Variants in TMTC2 observed in about 807,000 individuals in gnomAD.
The protein encoded by TMTC2 is protein O-mannosyl-transferase TMTC2.
TMTC2 carries 43 observed loss-of-function variants against 82.4 expected under a neutral mutation model. The ratio of observed to expected loss-of-function variants is 0.52; its 90% confidence interval spans 0.41 to 0.67. The LOEUF (loss-of-function observed/expected upper bound fraction) is 0.67. Ranked by LOEUF, TMTC2 falls within the 30% of genes least tolerant of loss-of-function variation. The pLI, the probability that TMTC2 is intolerant of heterozygous loss-of-function variation, is 0.00. For synonymous variants in TMTC2, 408 were observed against 381.9 expected, an observed-to-expected ratio of 1.07 and a Z score of -0.80; for missense variants, 919 against 1,012.4, an observed-to-expected ratio of 0.91 and a Z score of 1.25.
chr12:82,908,922 A>G (rs1874474671), intron 3 of TMTC2, among the ~76,000 whole-genome samples: 1 of 152,126 alleles, frequency 6.6e-6, no homozygotes, highest in Non-Finnish European at 1.5e-5. Flanking sequence ...TGTTACACAT[A>G]ATATTCTTGT....
chr12:82,909,981 C>G (rs536445152), intron 3 of TMTC2, among the ~76,000 whole-genome samples: 90 of 152,158 alleles, frequency 5.9e-4, no homozygotes, highest in Admixed American at 1.3e-4. Context: ...GGTATTTGAA[C>G]CCTCTAAAGC....
chr12:82,804,176 T>C (rs1019660901), intron 1 of TMTC2, among the ~76,000 whole-genome samples: 20 of 152,078 alleles, frequency 1.3e-4, no homozygotes, highest in African/African-American at 2.4e-4. Flanking sequence ...CCTCACAGAA[T>C]AGTCCAGGAG....
intron 1 of TMTC2, among the ~76,000 whole-genome samples, chr12:82,750,336 T>G (rs1875917783): frequency 6.6e-6 from 1 of 152,058 alleles, no homozygotes; most frequent in South Asian, 2.1e-4. Context: ...CATGCTTGTT[T>G]AAGATGAAGA....
chr12:83,018,036 T>TA (rs1880755409), intron 8 of TMTC2, among the ~76,000 whole-genome samples: 2 of 53,268 alleles, frequency 3.8e-5, no homozygotes, highest in South Asian at 1.3e-3. Flanking sequence ...ATATATATAT[T>TA]GTGTGTGTGT....
intron 8 of TMTC2, among the ~76,000 whole-genome samples, chr12:83,006,317 T>G (rs1475401503): frequency 6.6e-6 from 1 of 152,216 alleles, no homozygotes; most frequent in Non-Finnish European, 1.5e-5. Flanking sequence ...TGCTCCATAT[T>G]TTGGTCTCAC....
intron 8 of TMTC2, among the ~76,000 whole-genome samples, chr12:83,009,956 CT>C (rs1880379682): frequency 6.6e-6 from 1 of 152,172 alleles, no homozygotes; most frequent in Non-Finnish European, 1.5e-5. Flanking sequence ...GAATCTAATG[CT>C]GCCACTGATC....
rs763587985 is a variant in TMTC2, at chr12:82,723,858, T to C, written c.83+36189T>C. On this transcript the variant is annotated intron_variant, in intron 1 of 11. Coordinates refer to ENST00000321196, the MANE Select transcript of TMTC2 (RefSeq NM_152588.3). ...ACTCTGTGTACTACAGGGCTGCTGGTGTGAGCAGAGTATTGGCTTTCTAGC... is the reference window on the plus strand; with the variant it reads ...ACTCTGTGTACTACAGGGCTGCTGGCGTGAGCAGAGTATTGGCTTTCTAGC... 9.6e-4 allele frequency among the ~76,000 whole-genome samples: 146 copies of C among 152,300 alleles called. 1 individual carries two copies. Among genetic ancestry groups the C allele is most frequent in the East Asian group, 9.7e-4 (5 of 5,174 alleles).
At chr12:82,747,437 T>A (rs185479549) in intron 1 of TMTC2, among the ~76,000 whole-genome samples, 1 of 152,308 alleles carries the variant, frequency 6.6e-6, no homozygotes, top group Non-Finnish European at 1.5e-5. Context: ...TGTATCTTAC[T>A]ATGGTGCATA....
At chr12:82,947,349 T>G (rs1466958031) in intron 4 of TMTC2, among the ~76,000 whole-genome samples, 1 of 150,600 alleles carries the variant, frequency 6.6e-6, no homozygotes, top group Non-Finnish European at 1.5e-5. Context: ...TTTTTTCTTT[T>G]TTTTTTTTTT....
intron 1 of TMTC2, among the ~76,000 whole-genome samples, chr12:82,801,320 C>T (rs144640115): frequency 1.3e-5 from 2 of 152,240 alleles, no homozygotes; most frequent in East Asian, 1.9e-4. Flanking sequence ...TGCAGATCTT[C>T]ACCATGAGTG....
At chr12:83,105,067 T>G (rs1046998170) in intron 11 of TMTC2, among the ~76,000 whole-genome samples, 2 of 152,164 alleles carry the variant, frequency 1.3e-5, no homozygotes, top group Non-Finnish European at 2.9e-5. Context: ...CACAGTACCA[T>G]CATAACAATG....
chr12:82,790,088 G>T (rs1182474791), intron 1 of TMTC2, among the ~76,000 whole-genome samples: 3 of 151,182 alleles, frequency 2.0e-5, no homozygotes, highest in Non-Finnish European at 4.4e-5. Context: ...TGTGGTCTCA[G>T]CTACTTAGGA....
intron 1 of TMTC2, among the ~76,000 whole-genome samples, chr12:82,721,738 G>T (rs554043889): frequency 5.9e-5 from 9 of 152,342 alleles, no homozygotes; most frequent in African/African-American, 2.2e-4. Flanking sequence ...AAAAGTCAGT[G>T]TCTTGCCCTG....
At chr12:82,820,619 C>A (rs1592548979) in intron 1 of TMTC2, among the ~76,000 whole-genome samples, 2 of 152,306 alleles carry the variant, frequency 1.3e-5, no homozygotes, top group South Asian at 2.1e-4. Context: ...AGGTGATCTG[C>A]CTGCCTCAGC....
chr12:83,080,254 A>C (rs547029624), intron 11 of TMTC2, among the ~76,000 whole-genome samples: 1 of 152,148 alleles, frequency 6.6e-6, no homozygotes, highest in Non-Finnish European at 1.5e-5. Flanking sequence ...AAAAGTTAGG[A>C]ATCTTTTTTA....
At chr12:82,788,881 C>T (rs1565750818) in intron 1 of TMTC2, among the ~76,000 whole-genome samples, 1 of 152,092 alleles carries the variant, frequency 6.6e-6, no homozygotes, top group Non-Finnish European at 1.5e-5. Flanking sequence ...TACAGGAAAG[C>T]CTGGCCTGGA....
intron 8 of TMTC2, among the ~76,000 whole-genome samples, chr12:83,030,089 G>A (rs141528778): frequency 1.7e-3 from 251 of 151,974 alleles, no homozygotes; most frequent in African/African-American, 5.9e-3. Context: ...TTTCATTACA[G>A]GCCTGTAAAT....
At position 82,687,326 on chromosome 12, in the gene TMTC2, C is replaced by G. The variant is rs1359957307; in HGVS notation, c.-261C>G. ...GCCGGGGGACGCGGAGCCCAAACGCCGCTCACCGCTTGCGGGCGCCGGGCA... is the reference window on the plus strand; with the variant it reads ...GCCGGGGGACGCGGAGCCCAAACGCGGCTCACCGCTTGCGGGCGCCGGGCA... On this transcript the variant is annotated 5_prime_UTR_variant, in exon 1 of 12. Coordinates refer to ENST00000321196, the MANE Select transcript of TMTC2 (RefSeq NM_152588.3). The G allele has an allele frequency of 3.7e-6, 2 of 538,440 alleles. No individual in the cohort carries two copies. The highest frequency in any genetic ancestry group is 3.3e-6 in the Non-Finnish European group (1 of 298,678). 33.4% of individuals were successfully genotyped at this position (538,440 alleles called of 1,614,324 possible).
At chr12:82,989,412 C>T (rs996561818) in intron 8 of TMTC2, among the ~76,000 whole-genome samples, 3 of 151,730 alleles carry the variant, frequency 2.0e-5, no homozygotes, top group African/African-American at 7.3e-5. Context: ...AAACCTTTTC[C>T]CATTTCTGTA....
Sources: allele counts gnomAD v4.1 joint callset (sites outside exome capture counted in the v4.1 genomes callset), GRCh38; gene constraint gnomAD v4.1.1; transcripts MANE v1.5; gene names NCBI Gene and HGNC (gene_info 2026-07-23, HGNC 2026-07-21).